The following PHLDB1 variants were observed in gnomAD, a reference collection of about 807,000 sequenced individuals.
PHLDB1 encodes pleckstrin homology-like domain family B member 1.
A neutral mutation model predicts 139.3 loss-of-function variants in PHLDB1; 65 were observed. The ratio of observed to expected loss-of-function variants is 0.47; its 90% CI spans 0.38 to 0.57. PHLDB1 has a LOEUF of 0.57. Ranked by LOEUF, PHLDB1 falls within the 20% of genes least tolerant of loss-of-function variation. PHLDB1 has a pLI of 0.00. For synonymous variants in PHLDB1, 679 were observed against 734.5 expected, an observed-to-expected ratio of 0.92 and a Z score of 1.22; for missense variants, 1,624 against 1,839.7, an observed-to-expected ratio of 0.88 and a Z score of 2.14.
chr11:118,639,417 A>G (rs907325251), intron 12 of PHLDB1, 166 bp downstream of exon 12: 26 of 608,540 alleles, frequency 4.3e-5, no homozygotes, highest in Admixed American at 2.1e-4. Context: ...TTGATTTTCC[A>G]TGGCTGCCAG....
rs139349543 is a variant in PHLDB1 at position 118,643,128 on chromosome 11, C to T, written c.2878-672C>T. 2.0e-3 allele frequency among the ~76,000 whole-genome samples: 304 copies of T among 152,352 alleles called. 2 individuals carry two copies. The highest frequency in any genetic ancestry group is 6.8e-3 in the Middle Eastern group (2 of 294). ...TGGGGAGGAGTTTGATCATGTAAGA[C>T]TTCTACTGTGTACCCAGCTGGTTAG... On this transcript the variant is annotated intron_variant, in intron 13 of 22. Coordinates refer to ENST00000600882, the MANE Select transcript of PHLDB1 (RefSeq NM_001144758.3).
In PHLDB1 at chr11:118,645,159, G is replaced by A. The variant is rs80037296; in HGVS notation, c.3122-197G>A. 2,853 of 502,858 alleles carry A rather than the reference G, an allele frequency of 5.7e-3. 69 individuals are homozygous for A. Among genetic ancestry groups the A allele is most frequent in the African/African-American group, 0.046 (2,362 of 50,948 alleles). The allele number at this position is 502,858 out of a possible 1,614,324, so 31.1% of individuals were successfully genotyped here. A position where few individuals can be genotyped will look rare whatever the true frequency, so the allele number is the denominator to read the frequency against. ...GAAGCCAGACTGTGCATCTGTGGCC[G>A]GTTGTGCAGGCGACTGAAGCATTGG... On this transcript the variant is annotated intron_variant, in intron 15 of 22. Coordinates refer to ENST00000600882, the MANE Select transcript of PHLDB1 (RefSeq NM_001144758.3). The surrounding 1 kb of genome is among the most constrained non-coding windows in gnomAD (Gnocchi z 5.1).
At chr11:118,652,805 A>T (rs546322982) in intron 20 of PHLDB1, 1 of 152,590 alleles carries the variant, frequency 6.6e-6, no homozygotes, top group African/African-American at 2.4e-5. Flanking sequence ...AGCCAGCACT[A>T]ACCACATGCC....
chr11:118,655,822 G>A (rs368728898), intron 21 of PHLDB1, 38 bp from the exon 22 acceptor site: 8 of 1,599,882 alleles, frequency 5.0e-6, no homozygotes, highest in Non-Finnish European at 6.9e-6. Context: ...TGTTCTCTTT[G>A]TCAACTTTCT....
chr11:118,655,102 T>A (rs1948859755), intron 20 of PHLDB1: 1 of 155,424 alleles, frequency 6.4e-6, no homozygotes, highest in South Asian at 2.0e-4. Context: ...TTGATTGATA[T>A]TTTGGTTGTT....
At position 118,611,832 on chromosome 11, in the gene PHLDB1, A is replaced by AAAT. The variant is rs1555084304; in HGVS notation, c.-21-1966_-21-1964dup. ...AAACTCCGTCTCAAAAAAAAAAAAA[A>AAAT]AATAATAATAATAATAATAAATGGC... On this transcript the variant is annotated intron_variant, in intron 1 of 22. Coordinates refer to ENST00000600882, the MANE Select transcript of PHLDB1 (RefSeq NM_001144758.3). The surrounding 1 kb of genome is among the most constrained non-coding windows in gnomAD (Gnocchi z 4.7). Among the ~76,000 whole-genome samples, 152 of 147,070 alleles carry AAAT rather than the reference A, an allele frequency of 1.0e-3. No individual in the cohort carries two copies. The highest frequency in any genetic ancestry group is 3.3e-3 in the African/African-American group (131 of 39,356).
intron 20 of PHLDB1, chr11:118,653,028 G>A (rs571344600): frequency 6.6e-6 from 1 of 152,576 alleles, no homozygotes; most frequent in South Asian, 2.1e-4. Context: ...GTTAGACTCA[G>A]GGATGGGAGC....
chr11:118,643,357 G>C (rs1243299249), intron 13 of PHLDB1: 1 of 184,150 alleles, frequency 5.4e-6, no homozygotes, highest in Admixed American at 6.5e-5. Context: ...GTGCTGCAGG[G>C]GAGCTTGGCC....
At chr11:118,623,915 TGTGA>T (rs781978637) in intron 4 of PHLDB1, among the ~76,000 whole-genome samples, 9 of 130,184 alleles carry the variant, frequency 6.9e-5, no homozygotes, top group Non-Finnish European at 1.2e-4. Flanking sequence ...TGTGTGTGTG[TGTGA>T]GACGGAGTTT....
In PHLDB1 at chr11:118,616,105, G is replaced by C; in HGVS notation, c.249G>C (p.Glu83Asp). 6.2e-7 allele frequency: 1 copy of C among 1,614,098 alleles called. No individual in the cohort carries two copies. The highest frequency in any genetic ancestry group is 8.5e-7 in the Non-Finnish European group (1 of 1,179,932). The change falls in exon 4 of 23, where the codon GAG (glutamate) becomes GAC (aspartate). Residue 83 changes from glutamate to aspartate, a missense_variant. By Grantham distance (45) the Glu-to-Asp change is conservative. Transcript: ENST00000600882. The stretch of plus-strand genomic sequence containing the variant: ...TACAGGGCCCAGGCCTGGCTCCAGA[G>C]CACTGCTACATCGAGAACCTGCGGG... Reference protein sequence around the residue: ...ISLQGPGLAPEHCYIENLRGT... With the variant: ...ISLQGPGLAPDHCYIENLRGT...
chr11:118,613,420 G>T (rs1940898114), intron 1 of PHLDB1: 5 of 992,838 alleles, frequency 5.0e-6, no homozygotes, highest in Non-Finnish European at 6.0e-6. Flanking sequence ...AGTGTCCTTG[G>T]AGGGGCTTCC....
At chr11:118,656,430 G>A (rs1949075498) in intron 22 of PHLDB1, among the ~76,000 whole-genome samples, 1 of 152,170 alleles carries the variant, frequency 6.6e-6, no homozygotes, top group African/African-American at 2.4e-5. Context: ...AAGGACCAGT[G>A]CCCCCCTTGT....
chr11:118,642,584 G>A (rs1946760650), intron 13 of PHLDB1, among the ~76,000 whole-genome samples, 190 bp downstream of exon 13: 1 of 152,230 alleles, frequency 6.6e-6, no homozygotes, highest in South Asian at 2.1e-4. Context: ...GCAACCGGGG[G>A]GCCAGCCTCC....
At chr11:118,633,909 T>A (rs987529745) in intron 9 of PHLDB1, 3 of 152,108 alleles carry the variant, frequency 2.0e-5, no homozygotes, top group African/African-American at 4.8e-5. Flanking sequence ...GACCTGGAGT[T>A]TTTTGGAGGC....
chr11:118,626,710 T>G (rs1555101678), intron 5 of PHLDB1, among the ~76,000 whole-genome samples: 1 of 147,372 alleles, frequency 6.8e-6, no homozygotes. Context: ...AGTCTTGCTG[T>G]GTCACCCAGG....
At chr11:118,644,688 G>A in intron 15 of PHLDB1, 2 of 1,289,626 alleles carry the variant, frequency 1.6e-6, no homozygotes, top group Non-Finnish European at 2.0e-6. Context: ...CGACGACCCA[G>A]CAGGTAGAAC....
intron 4 of PHLDB1, among the ~76,000 whole-genome samples, chr11:118,621,775 C>T (rs1211908384): frequency 6.6e-6 from 1 of 152,030 alleles, no homozygotes; most frequent in Admixed American, 6.6e-5. Flanking sequence ...TCCAGCGCTC[C>T]GGCAGTCCCC....
intron 5 of PHLDB1, among the ~76,000 whole-genome samples, chr11:118,625,650 C>G (rs1461217682): frequency 6.6e-6 from 1 of 152,198 alleles, no homozygotes; most frequent in African/African-American, 2.4e-5. Flanking sequence ...TTTACCATCT[C>G]AGACTTTGCA....
Position 118,624,950 on chromosome 11 carries a change from GGGT to G in PHLDB1, c.373_375del (p.Gly125del). ...TCTCTGCAGGCTGCATGTTGTGCCT[GGGT>G]CAGTCCACCTTCCTTCGCTTTAACC... is the stretch of plus-strand genomic sequence containing the variant. On this transcript the variant is annotated inframe_deletion, in exon 5 of 23. Transcript: ENST00000600882. The G allele has an allele frequency of 6.2e-7, 1 of 1,614,038 alleles. No individual in the cohort carries two copies. Among genetic ancestry groups the G allele is most frequent in the Non-Finnish European group, 8.5e-7 (1 of 1,179,974 alleles).
Sources: gnomAD v4.1 joint callset for allele counts (sites outside exome capture counted in the v4.1 genomes callset) on GRCh38, gnomAD v4.1.1 for gene constraint, Gnocchi (gnomAD v3.1) non-coding constraint, MANE v1.5 for transcripts, NCBI Gene and HGNC (gene_info 2026-07-23, HGNC 2026-07-21) for gene names.